RBMS3: variants seen among roughly 807,000 people sequenced by gnomAD.
RBMS3 encodes the protein RNA-binding motif, single-stranded-interacting protein 3.
A neutral mutation model predicts 66.8 loss-of-function variants in RBMS3; 27 were observed. The ratio of observed to expected loss-of-function variants is 0.40; its 90% CI spans 0.30 to 0.56. The LOEUF is 0.56. Ranked by LOEUF, RBMS3 falls within the 20% of genes least tolerant of loss-of-function variation. The pLI is 0.40. For missense variants in RBMS3, 513 were observed against 549.5 expected (o/e 0.93, Z 0.66); for synonymous variants, 188 against 183.0 (o/e 1.03, Z -0.22).
At chr3:29,582,859 T>C (rs558575936) in intron 3 of RBMS3, among the ~76,000 whole-genome samples, 33 of 152,296 alleles carry the variant, frequency 2.2e-4, no homozygotes, top group African/African-American at 6.7e-4. Context: ...AGTAATGCAA[T>C]GTTTATTTCT....
At chr3:29,779,576 A>C (rs2056550033) in intron 6 of RBMS3, among the ~76,000 whole-genome samples, 1 of 151,256 alleles carries the variant, frequency 6.6e-6, no homozygotes, top group African/African-American at 2.4e-5. Flanking sequence ...CAATTACCAC[A>C]GGTATTTAAT....
At chr3:29,670,207 TC>T (rs2050936734) in intron 4 of RBMS3, among the ~76,000 whole-genome samples, 1 of 152,140 alleles carries the variant, frequency 6.6e-6, no homozygotes, top group Admixed American at 6.5e-5. Context: ...ATGTGTTCCT[TC>T]CCCCATCTAT....
At chr3:29,517,602 C>A (rs557248132) in intron 3 of RBMS3, among the ~76,000 whole-genome samples, 1 of 151,576 alleles carries the variant, frequency 6.6e-6, no homozygotes, top group Non-Finnish European at 1.5e-5. Flanking sequence ...GGATTACAGG[C>A]GTGAGCCACC....
intron 1 of RBMS3, among the ~76,000 whole-genome samples, chr3:29,397,687 T>TC (rs1256878841): frequency 6.6e-6 from 1 of 152,016 alleles, no homozygotes; most frequent in Non-Finnish European, 1.5e-5. Context: ...TCTTCACCCC[T>TC]CCCCCTTACA....
intron 4 of RBMS3, among the ~76,000 whole-genome samples, chr3:29,597,447 A>C (rs1303186814): frequency 3.3e-5 from 5 of 152,178 alleles, no homozygotes; most frequent in Non-Finnish European, 7.4e-5. Flanking sequence ...GTGGACACAC[A>C]AAAACAAAAC....
At chr3:29,384,726 G>T (rs1231230512) in intron 1 of RBMS3, among the ~76,000 whole-genome samples, 1 of 152,174 alleles carries the variant, frequency 6.6e-6, no homozygotes, top group Non-Finnish European at 1.5e-5. Context: ...TGTTTCAGAG[G>T]TTTAGAGTGG....
chr3:29,760,430 T>A (rs1482988559), intron 5 of RBMS3, among the ~76,000 whole-genome samples: 1 of 152,008 alleles, frequency 6.6e-6, no homozygotes, highest in African/African-American at 2.4e-5. Context: ...AGAGAGAGAT[T>A]GAACAGGGAG....
At chr3:29,488,748 T>C (rs2091922248) in intron 3 of RBMS3, among the ~76,000 whole-genome samples, 1 of 152,206 alleles carries the variant, frequency 6.6e-6, no homozygotes, top group South Asian at 2.1e-4. Context: ...TAAAACTAAA[T>C]TACCTCCTAA....
chr3:29,457,344 C>A (rs1337782910), intron 2 of RBMS3, among the ~76,000 whole-genome samples: 2 of 152,192 alleles, frequency 1.3e-5, no homozygotes. Context: ...AAAGGCCCAT[C>A]AATCTGTTCT....
chr3:29,897,348 G>A (rs377447342), intron 8 of RBMS3, 31 bp from the exon 9 acceptor site: 28 of 1,589,498 alleles, frequency 1.8e-5, no homozygotes, highest in African/African-American at 8.1e-5. Context: ...TAGCAGCTTC[G>A]TGAATCTTCC....
intron 1 of RBMS3, among the ~76,000 whole-genome samples, chr3:29,423,719 A>G (rs752277003): frequency 5.9e-5 from 9 of 152,244 alleles, no homozygotes; most frequent in Non-Finnish European, 1.2e-4. Flanking sequence ...CAGCATTTGA[A>G]ATGTAACTAG....
chr3:29,569,940 G>A (rs192209859), intron 3 of RBMS3, among the ~76,000 whole-genome samples: 13 of 149,822 alleles, frequency 8.7e-5, no homozygotes, highest in African/African-American at 3.2e-4. Flanking sequence ...AGATTGATGG[G>A]ATTATAGAGA....
intron 7 of RBMS3, among the ~76,000 whole-genome samples, chr3:29,882,317 C>CA (rs375884553): frequency 1.4e-3 from 205 of 151,704 alleles, no homozygotes; most frequent in African/African-American, 4.4e-3. Flanking sequence ...TCTCCCATGG[C>CA]AAAAAAACAA....
At chr3:29,609,877 A>C (rs151013321) in intron 4 of RBMS3, among the ~76,000 whole-genome samples, 2 of 152,160 alleles carry the variant, frequency 1.3e-5, no homozygotes, top group Non-Finnish European at 2.9e-5. Flanking sequence ...ACAAAAAGGG[A>C]AACAGATTAT....
intron 6 of RBMS3, among the ~76,000 whole-genome samples, chr3:29,821,763 C>T (rs2058081687): frequency 6.6e-6 from 1 of 152,104 alleles, no homozygotes; most frequent in Non-Finnish European, 1.5e-5. Context: ...AAGTCTCATT[C>T]TAGGTTTTTG....
At chr3:29,298,207 G>A (rs886117599) in intron 1 of RBMS3, among the ~76,000 whole-genome samples, 1 of 151,780 alleles carries the variant, frequency 6.6e-6, no homozygotes, top group Admixed American at 6.6e-5. Context: ...CATGAAAGTG[G>A]CTGTTCCACA....
chr3:29,677,162 G>A (rs1423228746), intron 4 of RBMS3, among the ~76,000 whole-genome samples: 1 of 152,076 alleles, frequency 6.6e-6, no homozygotes. Flanking sequence ...AACAATTCAT[G>A]AGAAACCACC....
intron 12 of RBMS3, among the ~76,000 whole-genome samples, chr3:29,971,593 G>A (rs1423402475): frequency 6.6e-6 from 1 of 151,668 alleles, no homozygotes; most frequent in Non-Finnish European, 1.5e-5. Flanking sequence ...TGTTCTCCTT[G>A]AAAACCTTAA....
chr3:29,442,516 G>A (rs1019499561), intron 2 of RBMS3, among the ~76,000 whole-genome samples: 6 of 152,026 alleles, frequency 3.9e-5, no homozygotes, highest in East Asian at 1.9e-4. Flanking sequence ...CTTAGTTTAC[G>A]ATCTTGATGG....
Sources: allele counts gnomAD v4.1 joint callset (sites outside exome capture counted in the v4.1 genomes callset), GRCh38; gene constraint gnomAD v4.1.1; transcripts MANE v1.5; gene names NCBI Gene and HGNC (gene_info 2026-07-23, HGNC 2026-07-21).